ERCC6L2: variants seen among roughly 807,000 people sequenced by gnomAD.
The protein encoded by ERCC6L2 is DNA excision repair protein ERCC-6-like 2.
ERCC6L2 carries 77 observed loss-of-function variants against 132.0 expected under a neutral mutation model. That is an observed-to-expected ratio of 0.58 (90% CI 0.49 to 0.71). The LOEUF (loss-of-function observed/expected upper bound fraction) is 0.71, where lower values mean the gene tolerates loss of function less well. Among genes scored for constraint, ERCC6L2 ranks in the 30% least tolerant of loss-of-function variants. The pLI is 0.00. For missense variants in ERCC6L2, 1,542 were observed against 1,837.6 expected (o/e 0.84, Z 2.94); for synonymous variants, 583 against 632.4 (o/e 0.92, Z 1.17).
chr9:95,968,350 T>C (rs1431772986), intron 14 of ERCC6L2: 2 of 152,204 alleles, frequency 1.3e-5, no homozygotes, highest in African/African-American at 4.8e-5. Context: ...AGGCCATCCA[T>C]GCCCTACATT....
intron 15 of ERCC6L2, among the ~76,000 whole-genome samples, chr9:95,971,219 A>G (rs1300213560): frequency 1.3e-5 from 2 of 152,156 alleles, no homozygotes; most frequent in African/African-American, 4.8e-5. Context: ...ATCAATTTAT[A>G]CCAGTCCAAT....
intron 12 of ERCC6L2, chr9:95,954,808 C>T (rs1198782260): frequency 2.1e-6 from 1 of 471,148 alleles, no homozygotes; most frequent in East Asian, 7.0e-5. Flanking sequence ...AGTGAGAATG[C>T]AGTACCTTAC....
chr9:95,897,802 G>T (rs368088891), intron 2 of ERCC6L2, 47 bp from the exon 3 acceptor site: 2 of 1,594,644 alleles, frequency 1.3e-6, no homozygotes, highest in South Asian at 1.1e-5. Context: ...AATTTTGTAC[G>T]TCATGATACA....
chr9:96,036,012 C>A (rs554773937), intron 19 of ERCC6L2, among the ~76,000 whole-genome samples: 9 of 152,272 alleles, frequency 5.9e-5, no homozygotes, highest in South Asian at 2.1e-4. Flanking sequence ...AAAAGACATA[C>A]AAAATACAAG....
chr9:95,975,162 T>C (rs887564798), intron 16 of ERCC6L2, among the ~76,000 whole-genome samples: 1 of 152,180 alleles, frequency 6.6e-6, no homozygotes, highest in Non-Finnish European at 1.5e-5. Context: ...CATTGCATTG[T>C]ATACTACTCC....
intron 4 of ERCC6L2, among the ~76,000 whole-genome samples, chr9:95,909,349 G>T (rs1052194241): frequency 6.6e-6 from 1 of 152,188 alleles, no homozygotes; most frequent in African/African-American, 2.4e-5. Flanking sequence ...GCCATGGGCA[G>T]TAGTATACTG....
At chr9:95,876,442 A>G in intron 1 of ERCC6L2, 2 of 235,644 alleles carry the variant, frequency 8.5e-6, no homozygotes, top group Non-Finnish European at 1.6e-5. Context: ...TTAAGCACTC[A>G]GTAAATGTTA....
chr9:96,006,848 T>C (rs1833879986), intron 18 of ERCC6L2, among the ~76,000 whole-genome samples: 1 of 152,010 alleles, frequency 6.6e-6, no homozygotes, highest in African/African-American at 2.4e-5. Flanking sequence ...AAACAAATCA[T>C]TTATAAAGTA....
chr9:96,032,192 C>G (rs967803989), intron 19 of ERCC6L2, among the ~76,000 whole-genome samples: 7 of 152,282 alleles, frequency 4.6e-5, no homozygotes, highest in African/African-American at 1.4e-4. Context: ...GCCAGCACCC[C>G]ACACACCTCC....
At chr9:95,947,279 T>C (rs1831107511) in intron 12 of ERCC6L2, among the ~76,000 whole-genome samples, 1 of 152,202 alleles carries the variant, frequency 6.6e-6, no homozygotes. Context: ...AAAGTTTTAG[T>C]GGTCTGGATC....
At chr9:95,970,325 T>C (rs1832356373) in intron 14 of ERCC6L2, among the ~76,000 whole-genome samples, 1 of 152,172 alleles carries the variant, frequency 6.6e-6, no homozygotes, top group South Asian at 2.1e-4. Flanking sequence ...GGCTGGAAAG[T>C]ATTAGTTTTC....
chr9:96,023,580 C>G (rs911432960), intron 19 of ERCC6L2, among the ~76,000 whole-genome samples: 2 of 152,014 alleles, frequency 1.3e-5, no homozygotes, highest in African/African-American at 4.8e-5. Flanking sequence ...TATATTAACA[C>G]CAAAAAAAAG....
At chr9:95,921,344 A>G (rs759491086) in intron 7 of ERCC6L2, 29 bp downstream of exon 7, 4 of 1,584,104 alleles carry the variant, frequency 2.5e-6, no homozygotes, top group Non-Finnish European at 3.4e-6. Context: ...CTTTATAATC[A>G]TGCTTTTGAT....
intron 2 of ERCC6L2, among the ~76,000 whole-genome samples, chr9:95,896,887 C>T (rs975329437): frequency 6.6e-6 from 1 of 152,128 alleles, no homozygotes; most frequent in Non-Finnish European, 1.5e-5. Context: ...GAATCTGTGG[C>T]TTGATTTTTA....
At chr9:95,958,959 A>C in intron 13 of ERCC6L2, among the ~76,000 whole-genome samples, 7 of 150,954 alleles carry the variant, frequency 4.6e-5, no homozygotes, top group Non-Finnish European at 8.9e-5. Flanking sequence ...TGCCCAAGGT[A>C]ATTTATAGAT....
intron 4 of ERCC6L2, among the ~76,000 whole-genome samples, chr9:95,914,486 C>T (rs940986502): frequency 6.6e-6 from 1 of 151,742 alleles, no homozygotes; most frequent in East Asian, 1.9e-4. Context: ...CCTGAGTAGC[C>T]GGGACTACAG....
intron 9 of ERCC6L2, among the ~76,000 whole-genome samples, chr9:95,926,369 A>G (rs980471939): frequency 2.6e-5 from 4 of 152,186 alleles, no homozygotes; most frequent in Non-Finnish European, 4.4e-5. Context: ...AAGCTTGGAA[A>G]CAACTAAGAT....
At chr9:95,926,786 A>G (rs185889094) in intron 9 of ERCC6L2, among the ~76,000 whole-genome samples, 3 of 152,278 alleles carry the variant, frequency 2.0e-5, no homozygotes, top group Admixed American at 2.0e-4. Flanking sequence ...ACTTTAGCTA[A>G]TAATAATGTA....
chr9:95,964,478 T>A (rs1832062053), intron 13 of ERCC6L2, among the ~76,000 whole-genome samples: 1 of 152,176 alleles, frequency 6.6e-6, no homozygotes, highest in Admixed American at 6.5e-5. Flanking sequence ...GGATTTTTTA[T>A]AAGGGTCAGA....
Sources: gnomAD v4.1 joint callset for allele counts (sites outside exome capture counted in the v4.1 genomes callset) on GRCh38, gnomAD v4.1.1 for gene constraint, MANE v1.5 for transcripts, NCBI Gene and HGNC (gene_info 2026-07-23, HGNC 2026-07-21) for gene names.